Variants in IDE observed in about 807,000 individuals in gnomAD.
IDE encodes insulin-degrading enzyme.
Under a neutral mutation model 133.2 loss-of-function variants are expected in IDE, and 58 were observed. The ratio of observed to expected loss-of-function variants is 0.44; its 90% CI spans 0.35 to 0.54. The LOEUF (loss-of-function observed/expected upper bound fraction) is 0.54, where lower values mean the gene tolerates loss of function less well. IDE is among the 20% of genes least tolerant of loss of function. The probability of loss-of-function intolerance (pLI) is 0.00; values close to 1 mark genes in which losing one functional copy is unlikely to be tolerated. For missense variants in IDE, 981 were observed against 1,234.0 expected (o/e 0.79, Z 3.07); for synonymous variants, 396 against 421.3 (o/e 0.94, Z 0.73).
intron 11 of IDE, among the ~76,000 whole-genome samples, chr10:92,495,596 C>CCA (rs1239235951): frequency 6.6e-6 from 1 of 152,058 alleles, no homozygotes; most frequent in Non-Finnish European, 1.5e-5. Flanking sequence ...GGTGATCCAC[C>CCA]CACCTTGGCC....
intron 18 of IDE, 42 bp from the exon 19 acceptor site, chr10:92,469,032 A>C (rs1232160219): frequency 9.1e-7 from 1 of 1,098,838 alleles, no homozygotes; most frequent in East Asian, 2.4e-5. Context: ...AAAAACATAA[A>C]CATATCTTGT....
intron 13 of IDE, among the ~76,000 whole-genome samples, chr10:92,484,908 T>C (rs912365666): frequency 2.0e-5 from 3 of 151,792 alleles, no homozygotes; most frequent in African/African-American, 7.3e-5. Context: ...ATTGAACAAT[T>C]AGCTGGGCGT....
rs560555757 is a variant in IDE, at chr10:92,495,456, T to C, written c.1431-4861A>G. Among the ~76,000 whole-genome samples, 9 of 152,142 alleles carry C rather than the reference T, an allele frequency of 5.9e-5. No individual in the cohort carries two copies. The East Asian group carries it at 1.7e-3, about 30-fold the overall frequency. Reference sequence around the variant, plus strand: ...GGCTGGTCTCAAACTCCCGACCTTGTGATCCGCCCACCTCGGCCTCCCAAA... The same window carrying C: ...GGCTGGTCTCAAACTCCCGACCTTGCGATCCGCCCACCTCGGCCTCCCAAA... On this transcript the variant is annotated intron_variant, in intron 11 of 24. Transcript: ENST00000265986.
At chr10:92,487,398 G>C (rs1331358721) in intron 12 of IDE, 80 bp from the exon 13 acceptor site, 2 of 1,183,572 alleles carry the variant, frequency 1.7e-6, no homozygotes, top group African/African-American at 1.5e-5. Context: ...CAATATATGG[G>C]CAAATATTAA....
chr10:92,551,681 A>T (rs368323116), intron 1 of IDE, among the ~76,000 whole-genome samples: 2 of 152,246 alleles, frequency 1.3e-5, no homozygotes, highest in African/African-American at 4.8e-5. Context: ...GAAAACAGAC[A>T]GGTGGTTGCA....
intron 5 of IDE, among the ~76,000 whole-genome samples, chr10:92,510,837 T>C (rs1848577906): frequency 6.6e-6 from 1 of 150,762 alleles, no homozygotes; most frequent in Admixed American, 6.6e-5. Context: ...AGCACATACA[T>C]ATCACACATA....
intron 5 of IDE, among the ~76,000 whole-genome samples, chr10:92,513,144 T>A (rs568971668): frequency 6.6e-6 from 1 of 152,368 alleles, no homozygotes; most frequent in East Asian, 1.9e-4. Context: ...TTTTCCATTT[T>A]GTCTTTTACC....
At chr10:92,537,230 C>G in intron 2 of IDE, 136 bp downstream of exon 2, 2 of 571,820 alleles carry the variant, frequency 3.5e-6, no homozygotes, top group East Asian at 3.0e-5. Flanking sequence ...AATAGCTTTA[C>G]GAGGGTTCTG....
chr10:92,468,870 T>C lies in IDE; in HGVS notation c.2320+9A>G. ...AGTCCATTCCCAAAGTTACAACATC[T>C]CTACTTACTGTCAGGGAGCTGAACT... is the stretch of plus-strand genomic sequence containing the variant. On this transcript the variant is annotated intron_variant, in intron 19 of 24. Coordinates refer to ENST00000265986, the MANE Select transcript of IDE (RefSeq NM_004969.4). 2 of 1,439,996 alleles carry C rather than the reference T, an allele frequency of 1.4e-6. No individual in the cohort carries two copies. Among genetic ancestry groups the C allele is most frequent in the Non-Finnish European group, 2.0e-6 (2 of 1,021,332 alleles). 89.2% of individuals were successfully genotyped at this position (1,439,996 alleles called of 1,614,324 possible).
At chr10:92,543,949 T>C (rs954867816) in intron 1 of IDE, among the ~76,000 whole-genome samples, 1 of 152,172 alleles carries the variant, frequency 6.6e-6, no homozygotes, top group Non-Finnish European at 1.5e-5. Flanking sequence ...ATGTAAGATA[T>C]AGGCCGGGTG....
At position 92,459,917 on chromosome 10, in the gene IDE, C is replaced by T. The variant is rs542667515; in HGVS notation, c.2823+1274G>A. ...CGATCTCAGCTCACTGCAACCTCCG[C>T]CTCCCGGGTTCAAGTGATTCTTCTG... On this transcript the variant is annotated intron_variant, in intron 22 of 24. Coordinates refer to ENST00000265986, the MANE Select transcript of IDE (RefSeq NM_004969.4). 1.5e-4 allele frequency among the ~76,000 whole-genome samples: 23 copies of T among 151,046 alleles called. No individual in the cohort carries two copies. In the South Asian group the frequency reaches 4.6e-3, roughly 30 times the overall value.
intron 11 of IDE, among the ~76,000 whole-genome samples, chr10:92,503,711 CAA>C (rs1012589241): frequency 6.7e-6 from 1 of 149,594 alleles, no homozygotes. Flanking sequence ...ATAGTTCTGT[CAA>C]AAAGACTTTT....
intron 1 of IDE, among the ~76,000 whole-genome samples, chr10:92,572,705 T>A (rs980086082): frequency 1.3e-5 from 2 of 152,146 alleles, no homozygotes; most frequent in African/African-American, 4.8e-5. Context: ...GTCCTTCTAA[T>A]TACCCCAAGG....
intron 1 of IDE, among the ~76,000 whole-genome samples, chr10:92,543,440 T>C (rs1346734533): frequency 1.3e-5 from 2 of 152,220 alleles, no homozygotes; most frequent in African/African-American, 4.8e-5. Flanking sequence ...GGGAACCACC[T>C]ACCCAAAGCT....
At chr10:92,456,504 T>C in intron 22 of IDE, 73 bp from the exon 23 acceptor site, 1 of 1,012,826 alleles carries the variant, frequency 9.9e-7, no homozygotes, top group Non-Finnish European at 1.6e-6. Context: ...CTCTGAAGAC[T>C]ATGAAGAATC....
intron 1 of IDE, among the ~76,000 whole-genome samples, chr10:92,547,429 G>A (rs561556650): frequency 7.2e-5 from 11 of 151,892 alleles, no homozygotes; most frequent in African/African-American, 2.4e-4. Flanking sequence ...AAGAGTTATC[G>A]ACCTGTAAGT....
intron 11 of IDE, among the ~76,000 whole-genome samples, chr10:92,496,070 T>A (rs1454012742): frequency 6.6e-6 from 1 of 151,994 alleles, no homozygotes; most frequent in Non-Finnish European, 1.5e-5. Flanking sequence ...AGATGGGGTT[T>A]CACCATGTTG....
At position 92,456,374 on chromosome 10, in the gene IDE, T is replaced by C; in HGVS notation, c.2881A>G (p.Arg961Gly). 1.9e-6 allele frequency: 3 copies of C among 1,613,350 alleles called. No individual in the cohort carries two copies. Among genetic ancestry groups the C allele is most frequent in the East Asian group, 2.2e-5 (1 of 44,876 alleles). The change falls in exon 23 of 25, where the codon AGG (arginine) becomes GGG (glycine). Residue 961 changes from arginine (R) to glycine (G), a missense_variant. Arg to Gly is a moderately radical substitution (Grantham distance 125). Around this residue, in one of 2 missense-constraint regions of IDE, gnomAD observed 660 missense variants for 894.7 expected, o/e 0.74. Transcript: ENST00000265986. ...TGATACTTACAAGAATCCATTTCCCTGGCAAGAACATGGACGGATACCTTA... is the reference window on the plus strand; with the variant it reads ...TGATACTTACAAGAATCCATTTCCCCGGCAAGAACATGGACGGATACCTTA... ...RHKVSVHVLAREMDSCPVVGE... is the reference protein window; with the variant it reads ...RHKVSVHVLAGEMDSCPVVGE...
At chr10:92,474,624 T>C in intron 17 of IDE, 1 of 425,666 alleles carries the variant, frequency 2.3e-6, no homozygotes, top group Non-Finnish European at 4.2e-6. Context: ...TTGTTTGGGT[T>C]GGGAATGTTC....
Sources: gnomAD v4.1 joint callset for allele counts (sites outside exome capture counted in the v4.1 genomes callset) on GRCh38, gnomAD v4.1.1 for gene constraint, gnomAD v4.1.1 regional missense constraint, MANE v1.5 for transcripts, NCBI Gene and HGNC (gene_info 2026-07-23, HGNC 2026-07-21) for gene names.